TG: variants seen among roughly 807,000 people sequenced by gnomAD.
TG encodes thyroglobulin.
Under a neutral mutation model 324.7 loss-of-function variants are expected in TG, and 270 were observed. That is an observed-to-expected ratio of 0.83 (90% confidence interval 0.75 to 0.92). The LOEUF (loss-of-function observed/expected upper bound fraction) is 0.92, where lower values mean the gene tolerates loss of function less well. Ranked by LOEUF, TG falls within the 40% of genes least tolerant of loss-of-function variation. The pLI, the probability that TG is intolerant of heterozygous loss-of-function variation, is 0.00. For missense variants in TG, 3,591 were observed against 3,456.4 expected (o/e 1.04, Z -0.98); for synonymous variants, 1,401 against 1,327.0 (o/e 1.06, Z -1.21).
At chr8:132,946,235 C>T (rs113501162) in intron 26 of TG, among the ~76,000 whole-genome samples, 105 of 151,630 alleles carry the variant, frequency 6.9e-4, no homozygotes, top group African/African-American at 2.4e-3. Flanking sequence ...AGGTTGATTT[C>T]GTTTTCCTTA....
intron 37 of TG, among the ~76,000 whole-genome samples, chr8:133,014,716 T>C (rs1482332599): frequency 6.6e-6 from 1 of 152,240 alleles, no homozygotes; most frequent in Non-Finnish European, 1.5e-5. Flanking sequence ...GGTTCTGTCT[T>C]GATTCCAGAG....
At chr8:132,933,758 C>A in intron 24 of TG, 82 bp downstream of exon 24, 1 of 1,279,376 alleles carries the variant, frequency 7.8e-7, no homozygotes, top group Non-Finnish European at 1.1e-6. Context: ...AGCAGGCTGG[C>A]CAGGCGATGG....
rs534680261 is a variant in TG at position 133,104,567 on chromosome 8, C to T, written c.7572+8194C>T. On this transcript the variant is annotated intron_variant, in intron 43 of 47. Coordinates refer to ENST00000220616, the MANE Select transcript of TG (RefSeq NM_003235.5). ...AGTAGAGAGGTCAGGGCTGTAGATACAGCTTTGGAAGAAAACCAAGAAAAT... is the reference window on the plus strand; with the variant it reads ...AGTAGAGAGGTCAGGGCTGTAGATATAGCTTTGGAAGAAAACCAAGAAAAT... Among the ~76,000 whole-genome samples, 6 of 152,270 alleles carry T rather than the reference C, an allele frequency of 3.9e-5. No individual in the cohort carries two copies. In the East Asian group the frequency reaches 9.6e-4, roughly 24 times the overall value.
Position 132,929,173 on chromosome 8 carries a change from C to G in TG, c.4797C>G (p.Pro1599=), listed in dbSNP as rs369301609. ...CCAAAGTTCCTGATTCTGAGTTCCC[C>G]GTGATGCAGTGCTTGACAGGTGAGG... ...VRSKVPDSEF[P]VMQCLTDCTE... The change falls in exon 23 of 48, where the codon CCC becomes CCG. Residue 1599 remains proline (P), a synonymous_variant. Transcript: ENST00000220616. 9 of 1,614,016 alleles carry G rather than the reference C, an allele frequency of 5.6e-6. No homozygotes were observed. The South Asian group carries it at 8.8e-5, about 16-fold the overall frequency.
chr8:133,044,785 C>T (rs190201789), intron 41 of TG, among the ~76,000 whole-genome samples: 1 of 152,326 alleles, frequency 6.6e-6, no homozygotes, highest in East Asian at 1.9e-4. Flanking sequence ...AGATTAGCTG[C>T]ATTTGACTTA....
In TG at chr8:132,897,692, G is replaced by A. The variant is rs746457730; in HGVS notation, c.3045G>A (p.Ser1015=). The A allele has an allele frequency of 8.7e-6, 14 of 1,614,068 alleles. No homozygotes were observed. In the African/African-American group the frequency reaches 1.1e-4, roughly 12 times the overall value. The part of the protein sequence containing the change: ...YQRRRFSPDD[S]AGASALLRSG... ...GACGCCGCTTTTCCCCGGACGACTCGGCTGGAGCATCCGCCCTTCTGCGGT... is the reference window on the plus strand; with the variant it reads ...GACGCCGCTTTTCCCCGGACGACTCAGCTGGAGCATCCGCCCTTCTGCGGT... Residue 1015 remains serine, a synonymous_variant, in exon 12 of 48, where the codon TCG becomes TCA. Coordinates refer to ENST00000220616, the MANE Select transcript of TG (RefSeq NM_003235.5).
intron 29 of TG, among the ~76,000 whole-genome samples, chr8:132,965,253 C>T (rs1828379617): frequency 6.6e-6 from 1 of 152,148 alleles, no homozygotes; most frequent in South Asian, 2.1e-4. Context: ...ACATGAGATG[C>T]AGGCTGGGAT....
At chr8:132,990,938 A>G (rs1045049595) in intron 35 of TG, among the ~76,000 whole-genome samples, 2 of 147,584 alleles carry the variant, frequency 1.4e-5, no homozygotes, top group African/African-American at 5.0e-5. Flanking sequence ...TTTTTTTAGC[A>G]AAAAGTTAAT....
intron 27 of TG, among the ~76,000 whole-genome samples, chr8:132,960,081 C>A (rs1258624010): frequency 6.6e-6 from 1 of 152,208 alleles, no homozygotes; most frequent in Non-Finnish European, 1.5e-5. Flanking sequence ...ATACCTAATG[C>A]ATGCAGGGCT....
chr8:133,065,641 A>G (rs1283653623), intron 41 of TG, among the ~76,000 whole-genome samples: 1 of 152,118 alleles, frequency 6.6e-6, no homozygotes, highest in African/African-American at 2.4e-5. Flanking sequence ...ACATGCCTGT[A>G]ATCCCAACTA....
chr8:133,055,493 A>G (rs571472235), intron 41 of TG, among the ~76,000 whole-genome samples: 1 of 152,138 alleles, frequency 6.6e-6, no homozygotes, highest in Non-Finnish European at 1.5e-5. Context: ...GTCACCATGA[A>G]CCAGGCTTGT....
At chr8:133,081,888 T>C (rs942021128) in intron 41 of TG, among the ~76,000 whole-genome samples, 1 of 152,180 alleles carries the variant, frequency 6.6e-6, no homozygotes, top group Non-Finnish European at 1.5e-5. Flanking sequence ...TGACGGATTG[T>C]CACACAGGCC....
intron 34 of TG, among the ~76,000 whole-genome samples, chr8:132,975,156 G>GC (rs1183063660): frequency 1.3e-5 from 2 of 152,186 alleles, no homozygotes; most frequent in East Asian, 3.9e-4. Context: ...GAGACCCAGT[G>GC]CCAGCACTAG....
At chr8:132,951,001 A>C (rs1008073487) in intron 27 of TG, among the ~76,000 whole-genome samples, 1 of 152,110 alleles carries the variant, frequency 6.6e-6, no homozygotes, top group African/African-American at 2.4e-5. Context: ...TAGGTCTTAG[A>C]GCTTGTAAAT....
intron 10 of TG, among the ~76,000 whole-genome samples, chr8:132,892,993 GGTGT>G (rs763783625): frequency 8.8e-4 from 129 of 146,198 alleles, no homozygotes; most frequent in Admixed American, 1.7e-3. Flanking sequence ...TTGTGTGTAT[GGTGT>G]GTATGTGGGT....
intron 32 of TG, among the ~76,000 whole-genome samples, chr8:132,971,085 G>A (rs946823724): frequency 6.6e-6 from 1 of 152,204 alleles, no homozygotes; most frequent in Non-Finnish European, 1.5e-5. Flanking sequence ...CTGGAGCAGA[G>A]TGGTCGGGGC....
rs562162285 is a variant in TG at position 133,116,543 on chromosome 8, T to C, written c.7755-66T>C. On this transcript the variant is annotated intron_variant, in intron 44 of 47. Transcript: ENST00000220616. ...GGGGGCCCCTTGCTGGGAGAAGCCCTTTCCAGGCACCATGGCCCATAGAGC... is the reference window on the plus strand; with the variant it reads ...GGGGGCCCCTTGCTGGGAGAAGCCCCTTCCAGGCACCATGGCCCATAGAGC... The C allele has an allele frequency of 1.3e-5, 20 of 1,494,692 alleles. No individual in the cohort carries two copies. In the East Asian group the frequency reaches 4.3e-4, roughly 32 times the overall value. The allele number at this position is 1,494,692 out of a possible 1,614,324, so 92.6% of individuals were successfully genotyped here.
chr8:133,107,488 A>G (rs988412604), intron 43 of TG, among the ~76,000 whole-genome samples: 3 of 152,218 alleles, frequency 2.0e-5, no homozygotes, highest in Non-Finnish European at 2.9e-5. Context: ...GGAAGTCAGC[A>G]CATGCAGTCA....
At chr8:132,904,839 T>A (rs551892316) in intron 16 of TG, among the ~76,000 whole-genome samples, 1 of 152,316 alleles carries the variant, frequency 6.6e-6, no homozygotes, top group South Asian at 2.1e-4. Flanking sequence ...GAAGGATGCT[T>A]ACACACTCAT....
Sources: allele counts gnomAD v4.1 joint callset (sites outside exome capture counted in the v4.1 genomes callset), GRCh38; gene constraint gnomAD v4.1.1; transcripts MANE v1.5; gene names NCBI Gene and HGNC (gene_info 2026-07-23, HGNC 2026-07-21).